Variants in MAPK10 observed in about 807,000 individuals in gnomAD.
MAPK10 encodes mitogen-activated protein kinase 10.
MAPK10 carries 25 observed loss-of-function variants against 59.3 expected under a neutral mutation model. That is an observed-to-expected ratio of 0.42 (90% confidence interval 0.31 to 0.59). MAPK10 has a LOEUF of 0.59. Ranked by LOEUF, MAPK10 falls within the 20% of genes least tolerant of loss-of-function variation. The pLI is 0.15. For missense variants in MAPK10, 351 were observed against 568.9 expected (o/e 0.62, Z 3.90); for synonymous variants, 190 against 200.5 (o/e 0.95, Z 0.44).
chr4:86,188,923 C>A (rs1210944506), intron 3 of MAPK10, among the ~76,000 whole-genome samples: 3 of 151,990 alleles, frequency 2.0e-5, no homozygotes, highest in Non-Finnish European at 4.4e-5. Context: ...TTGAGTTAAT[C>A]TTTGTATAAG....
intron 9 of MAPK10, chr4:86,090,405 A>C (rs1187640290): frequency 6.6e-6 from 1 of 152,152 alleles, no homozygotes; most frequent in East Asian, 1.9e-4. Context: ...CAAAGTTTCC[A>C]TTGTTTGATT....
chr4:86,533,384 A>G (rs1757982430), intron 1 of MAPK10, among the ~76,000 whole-genome samples: 1 of 152,228 alleles, frequency 6.6e-6, no homozygotes, highest in Non-Finnish European at 1.5e-5. Flanking sequence ...TGTGTACTTA[A>G]AAAAGATTAA....
At chr4:86,346,902 G>A (rs942718602) in intron 2 of MAPK10, among the ~76,000 whole-genome samples, 5 of 151,630 alleles carry the variant, frequency 3.3e-5, no homozygotes, top group African/African-American at 9.7e-5. Context: ...TCATGTGTGT[G>A]CACACACACA....
chr4:86,255,814 T>C (rs999413621), intron 2 of MAPK10, among the ~76,000 whole-genome samples: 1 of 152,208 alleles, frequency 6.6e-6, no homozygotes, highest in Non-Finnish European at 1.5e-5. Context: ...TAATGTTATT[T>C]GTCTCATCTT....
At chr4:86,468,508 A>T (rs965938035) in intron 1 of MAPK10, among the ~76,000 whole-genome samples, 1 of 152,198 alleles carries the variant, frequency 6.6e-6, no homozygotes, top group African/African-American at 2.4e-5. Context: ...AGTCATTTCT[A>T]AAAGGTGAAA....
At chr4:86,372,524 G>A (rs1367359250) in intron 1 of MAPK10, among the ~76,000 whole-genome samples, 1 of 64,188 alleles carries the variant, frequency 1.6e-5, no homozygotes, top group South Asian at 5.8e-4. Flanking sequence ...TCAAACAAAA[G>A]AAAGAAAGAA....
intron 1 of MAPK10, among the ~76,000 whole-genome samples, chr4:86,532,141 C>G (rs190300686): frequency 2.0e-5 from 3 of 150,062 alleles, no homozygotes; most frequent in Admixed American, 6.7e-5. Flanking sequence ...AAGAAGCTCC[C>G]ATCAAAATCC....
Position 86,350,940 on chromosome 4 carries a change from G to A in MAPK10, c.-7+3590C>T, listed in dbSNP as rs142311241. 3.8e-3 allele frequency among the ~76,000 whole-genome samples: 585 copies of A among 152,222 alleles called. 3 individuals carry two copies. Among genetic ancestry groups the A allele is most frequent in the African/African-American group, 0.013 (554 of 41,540 alleles). Reference sequence around the variant, plus strand: ...GAATAGGTTGATTGTGTCATCACTCGTTAATTTAAAAATCAGGTGGTTGTT... The same window carrying A: ...GAATAGGTTGATTGTGTCATCACTCATTAATTTAAAAATCAGGTGGTTGTT... On this transcript the variant is annotated intron_variant, in intron 2 of 13. Transcript: ENST00000641462.
intron 2 of MAPK10, among the ~76,000 whole-genome samples, chr4:86,295,236 G>A (rs377236825): frequency 3.9e-5 from 6 of 151,952 alleles, no homozygotes; most frequent in African/African-American, 1.2e-4. Context: ...CGGGCCCCAC[G>A]CCCTCTGCCT....
At chr4:86,581,258 T>A (rs185307447) in intron 1 of MAPK10, among the ~76,000 whole-genome samples, 1,792 of 146,968 alleles carry the variant, frequency 0.012, 14 homozygotes, top group Middle Eastern at 0.017. Context: ...GTCTGAAATT[T>A]AAAAAAAAAA....
At chr4:86,311,222 A>G (rs2095663702) in intron 2 of MAPK10, among the ~76,000 whole-genome samples, 1 of 152,140 alleles carries the variant, frequency 6.6e-6, no homozygotes, top group Non-Finnish European at 1.5e-5. Flanking sequence ...TTAATAAGGA[A>G]GCTTAAAAGA....
In MAPK10 at chr4:86,422,950, G is replaced by T. The variant is rs1746731247; in HGVS notation, c.-122+30080C>A. Among the ~76,000 whole-genome samples, 4 of 152,092 alleles carry T rather than the reference G, an allele frequency of 2.6e-5. No homozygotes were observed. The South Asian group carries it at 8.3e-4, about 32-fold the overall frequency. On this transcript the variant is annotated intron_variant, in intron 1 of 13. Transcript: ENST00000361569. ...CAGTCTTTGTTGTTATTTGCTAATGGACTTTATGATGGTTGAAAGGTAAAG... is the reference window on the plus strand; with the variant it reads ...CAGTCTTTGTTGTTATTTGCTAATGTACTTTATGATGGTTGAAAGGTAAAG...
intron 2 of MAPK10, among the ~76,000 whole-genome samples, chr4:86,250,970 C>T (rs1583497596): frequency 1.3e-5 from 2 of 152,024 alleles, no homozygotes; most frequent in African/African-American, 2.4e-5. Flanking sequence ...TTTGAACCAA[C>T]TAGCCAATAA....
chr4:86,360,125 T>C, upstream of MAPK10: 2 of 985,686 alleles, frequency 2.0e-6, no homozygotes, highest in Non-Finnish European at 2.4e-6. Context: ...GGAGCACACA[T>C]GACGTCAAAG....
chr4:86,449,933 C>T (rs1003610815), intron 1 of MAPK10, among the ~76,000 whole-genome samples: 3 of 152,166 alleles, frequency 2.0e-5, no homozygotes, highest in Admixed American at 6.5e-5. Context: ...AGTTCTATAA[C>T]CTCAGGAGCC....
intron 1 of MAPK10, among the ~76,000 whole-genome samples, chr4:86,430,775 C>T (rs1174001979): frequency 3.3e-5 from 5 of 152,056 alleles, no homozygotes; most frequent in Non-Finnish European, 5.9e-5. Flanking sequence ...AGGGAAAAAA[C>T]GTCACGATAC....
At chr4:86,423,871 G>A (rs1746903343) in intron 1 of MAPK10, among the ~76,000 whole-genome samples, 1 of 149,874 alleles carries the variant, frequency 6.7e-6, no homozygotes, top group Non-Finnish European at 1.5e-5. Flanking sequence ...ATTTTGAACA[G>A]GGAATAGGCA....
At chr4:86,323,209 A>T (rs565838897) in intron 2 of MAPK10, among the ~76,000 whole-genome samples, 18 of 152,324 alleles carry the variant, frequency 1.2e-4, no homozygotes, top group African/African-American at 2.2e-4. Context: ...AGCATTTATC[A>T]TCATACATGC....
At chr4:86,405,511 G>A (rs1025293506) in intron 1 of MAPK10, among the ~76,000 whole-genome samples, 1 of 152,080 alleles carries the variant, frequency 6.6e-6, no homozygotes, top group Non-Finnish European at 1.5e-5. Context: ...CAACCTTAAA[G>A]GAACCAAATA....
Sources: allele counts gnomAD v4.1 joint callset (sites outside exome capture counted in the v4.1 genomes callset), GRCh38; gene constraint gnomAD v4.1.1; transcripts MANE v1.5; gene names NCBI Gene and HGNC (gene_info 2026-07-23, HGNC 2026-07-21).